DDX50: variants seen among roughly 807,000 people sequenced by gnomAD.
DDX50 encodes the protein DExD-box helicase 50.
A neutral mutation model predicts 94.8 loss-of-function variants in DDX50; 56 were observed. The observed-to-expected ratio is 0.59, with a 90% CI of 0.48 to 0.74. DDX50 has a LOEUF of 0.74. Ranked by LOEUF, DDX50 falls within the 30% of genes least tolerant of loss-of-function variation. The pLI is 0.00. For synonymous variants in DDX50, 264 were observed against 295.4 expected, an observed-to-expected ratio of 0.89 and a Z score of 1.09; for missense variants, 713 against 881.2, an observed-to-expected ratio of 0.81 and a Z score of 2.42.
At chr10:68,928,087 A>G (rs1842137232) in intron 8 of DDX50, among the ~76,000 whole-genome samples, 1 of 152,210 alleles carries the variant, frequency 6.6e-6, no homozygotes, top group South Asian at 2.1e-4. Flanking sequence ...AAGCCAAGAC[A>G]GGAAAATTTC....
chr10:68,932,572 T>G (rs1003578259), intron 8 of DDX50, among the ~76,000 whole-genome samples: 18 of 152,226 alleles, frequency 1.2e-4, no homozygotes, highest in African/African-American at 2.4e-5. Context: ...ATCATTGTTA[T>G]GAACTTTTTG....
chr10:68,925,914 C>T (rs1033795145), intron 8 of DDX50, among the ~76,000 whole-genome samples: 6 of 150,132 alleles, frequency 4.0e-5, no homozygotes, highest in South Asian at 2.1e-4. Flanking sequence ...CGTGGGAGGC[C>T]GAGGCACGAG....
chr10:68,910,001 G>A (rs1841578457), intron 2 of DDX50, among the ~76,000 whole-genome samples: 1 of 152,096 alleles, frequency 6.6e-6, no homozygotes, highest in African/African-American at 2.4e-5. Flanking sequence ...GATCTGCCTG[G>A]ATAACATGGT....
Position 68,901,460 on chromosome 10 carries a change from G to A in DDX50, c.76G>A (p.Glu26Lys), listed in dbSNP as rs1207260703. 26 of 1,572,164 alleles carry A rather than the reference G, an allele frequency of 1.7e-5. No homozygotes were observed. The highest frequency in any genetic ancestry group is 2.7e-5 in the African/African-American group (2 of 73,604). ...GGAGGAGTCCGAGAGCCAGAAGAAGGAGAGGCAAAAGGTGCGCTGAGCATG... is the reference window on the plus strand; with the variant it reads ...GGAGGAGTCCGAGAGCCAGAAGAAGAAGAGGCAAAAGGTGCGCTGAGCATG... ...PLEESESQKK[E>K]RQKSDRRKSR... is the part of the protein sequence containing the mutation. The change falls in exon 1 of 15, where the codon GAG becomes AAG. Residue 26 changes from glutamate (E) to lysine (K), a missense_variant. Around this residue, in one of 2 missense-constraint regions of DDX50, gnomAD observed 285 missense variants for 278.9 expected, o/e 1.02. Coordinates refer to ENST00000373585, the MANE Select transcript of DDX50 (RefSeq NM_024045.2).
At chr10:68,901,621 A>T (rs1282795953) in intron 1 of DDX50, 150 bp downstream of exon 1, 2 of 817,968 alleles carry the variant, frequency 2.4e-6, no homozygotes, top group African/African-American at 3.5e-5. Context: ...GGGGTCGCTC[A>T]GGGACCGTTT....
At chr10:68,913,017 T>C (rs1473884962) in intron 4 of DDX50, 145 bp from the exon 5 acceptor site, 1 of 649,856 alleles carries the variant, frequency 1.5e-6, no homozygotes, top group African/African-American at 1.9e-5. Context: ...TGCTGTTCCT[T>C]TTGCTATTTG....
chr10:68,928,113 C>G (rs1250684878), intron 8 of DDX50, among the ~76,000 whole-genome samples: 1 of 152,002 alleles, frequency 6.6e-6, no homozygotes, highest in East Asian at 1.9e-4. Context: ...GCCAGGCATT[C>G]AAAAGCAGCA....
In DDX50 at chr10:68,946,629, G is replaced by C. The variant is rs1257049206; in HGVS notation, c.2213G>C (p.Ter738SerextTer5). 1 of 1,612,500 alleles carries C rather than the reference G, an allele frequency of 6.2e-7. No individual in the cohort carries two copies. ...GGGGGCCACAAACGGAGTTTTGACT[G>C]AGTATTTGATAGTTAATCTACCAGT... is the stretch of plus-strand genomic sequence containing the variant. ...RSGGHKRSFD[*>S] The change falls in exon 15 of 15, where the codon TGA (stop) becomes TCA (serine). Residue 738 changes from the stop codon to serine, a stop_lost. Transcript: ENST00000373585.
intron 1 of DDX50, 83 bp from the exon 2 acceptor site, chr10:68,906,628 T>C: frequency 1.4e-6 from 2 of 1,451,944 alleles, no homozygotes; most frequent in Non-Finnish European, 9.4e-7. Context: ...GCTGAACTGG[T>C]GGGGGAGTCA....
At position 68,934,207 on chromosome 10, in the gene DDX50, G is replaced by A; in HGVS notation, c.1248G>A (p.Gln416=). 6.2e-7 allele frequency: 1 copy of A among 1,610,700 alleles called. No individual in the cohort carries two copies. The highest frequency in any genetic ancestry group is 8.5e-7 in the Non-Finnish European group (1 of 1,179,380). The change falls in exon 9 of 15, where the codon CAG becomes CAA. Residue 416 remains glutamine, a synonymous_variant. Transcript: ENST00000373585. The surrounding 1 kb of genome is among the most constrained non-coding windows in gnomAD (Gnocchi z 4.0). ...CCCCCTTTCTCAAATAGAATGCCCA[G>A]TGTTTACATGGGGACATTGCACAGT... ...AMNPHIKQNA[Q]CLHGDIAQSQ...
chr10:68,901,357 G>C lies in DDX50; in HGVS notation c.-28G>C, dbSNP rs201196346. 4 of 1,527,288 alleles carry C rather than the reference G, an allele frequency of 2.6e-6. No individual in the cohort carries two copies. Among genetic ancestry groups the C allele is most frequent in the East Asian group, 5.2e-5 (2 of 38,640 alleles). 94.6% of individuals were successfully genotyped at this position (1,527,288 alleles called of 1,614,324 possible). A position where few individuals can be genotyped will look rare whatever the true frequency, so the allele number is the denominator to read the frequency against. ...GCCCGTAGGTGGTTGTGGCCACTGT[G>C]CCCGGAGGGAGGCGGCGGTGGCCAG... On this transcript the variant is annotated 5_prime_UTR_variant, in exon 1 of 15. Coordinates refer to ENST00000373585, the MANE Select transcript of DDX50 (RefSeq NM_024045.2).
intron 12 of DDX50, among the ~76,000 whole-genome samples, chr10:68,940,431 T>A (rs1219277368): frequency 2.6e-5 from 4 of 151,958 alleles, no homozygotes; most frequent in Non-Finnish European, 5.9e-5. Flanking sequence ...CTTTTTATTT[T>A]TTTTTTGAGA....
intron 8 of DDX50, among the ~76,000 whole-genome samples, chr10:68,927,598 C>T (rs534268328): frequency 6.6e-6 from 1 of 152,204 alleles, no homozygotes; most frequent in African/African-American, 2.4e-5. Context: ...ATATATTGTC[C>T]TGCTTTTAAG....
At chr10:68,918,338 A>G (rs951028961) in intron 7 of DDX50, among the ~76,000 whole-genome samples, 2 of 151,796 alleles carry the variant, frequency 1.3e-5, no homozygotes, top group African/African-American at 4.8e-5. Flanking sequence ...CATTTACAGT[A>G]TACAGCCATC....
intron 8 of DDX50, among the ~76,000 whole-genome samples, chr10:68,927,263 T>G (rs1564611672): frequency 6.6e-6 from 1 of 152,240 alleles, no homozygotes; most frequent in Admixed American, 6.5e-5. Flanking sequence ...ATAGTATATT[T>G]GTTTATAACT....
intron 11 of DDX50, among the ~76,000 whole-genome samples, chr10:68,936,682 T>C (rs547527908): frequency 1.3e-5 from 2 of 149,626 alleles, no homozygotes; most frequent in South Asian, 4.2e-4. Flanking sequence ...CTACAAAAAA[T>C]ACAAAGATTA....
intron 8 of DDX50, among the ~76,000 whole-genome samples, chr10:68,924,279 T>A (rs1842019554): frequency 6.6e-6 from 1 of 151,950 alleles, no homozygotes. Context: ...CCAAAATTTT[T>A]TTTTTTTAAG....
At chr10:68,942,014 C>G (rs1199709027) in intron 13 of DDX50, among the ~76,000 whole-genome samples, 3 of 151,698 alleles carry the variant, frequency 2.0e-5, no homozygotes, top group African/African-American at 7.3e-5. Flanking sequence ...TCTTGAACTC[C>G]TGAGCTCAAG....
intron 1 of DDX50, among the ~76,000 whole-genome samples, chr10:68,902,385 G>C (rs1204537573): frequency 6.6e-6 from 1 of 152,130 alleles, no homozygotes; most frequent in Non-Finnish European, 1.5e-5. Flanking sequence ...ATTTTGTATA[G>C]CCTTAGAAAG....
Sources: gnomAD v4.1 joint callset for allele counts (sites outside exome capture counted in the v4.1 genomes callset) on GRCh38, gnomAD v4.1.1 for gene constraint, gnomAD v4.1.1 regional missense constraint, Gnocchi (gnomAD v3.1) non-coding constraint, MANE v1.5 for transcripts, NCBI Gene and HGNC (gene_info 2026-07-23, HGNC 2026-07-21) for gene names.